IGF2BP2: variants seen among roughly 807,000 people sequenced by gnomAD.
The protein encoded by IGF2BP2 is insulin-like growth factor 2 mRNA-binding protein 2.
IGF2BP2 carries 17 observed loss-of-function variants against 75.8 expected under a neutral mutation model. That is an observed-to-expected ratio of 0.22 (90% CI 0.15 to 0.34). IGF2BP2 has a LOEUF of 0.34. Ranked by LOEUF, IGF2BP2 falls within the 10% of genes least tolerant of loss-of-function variation. The probability of loss-of-function intolerance (pLI) is 1.00; values close to 1 mark genes in which losing one functional copy is unlikely to be tolerated. For missense variants in IGF2BP2, 516 were observed against 772.4 expected (o/e 0.67, Z 3.93); for synonymous variants, 288 against 295.6 (o/e 0.97, Z 0.26).
intron 2 of IGF2BP2, among the ~76,000 whole-genome samples, chr3:185,772,390 T>C (rs1733995745): frequency 6.6e-6 from 1 of 152,184 alleles, no homozygotes; most frequent in South Asian, 2.1e-4. Context: ...TATCTAAATA[T>C]TTTCAAATTT....
chr3:185,727,570 G>C (rs940925051), intron 2 of IGF2BP2, among the ~76,000 whole-genome samples: 2 of 152,132 alleles, frequency 1.3e-5, no homozygotes, highest in African/African-American at 4.8e-5. Flanking sequence ...TTGTGAAAAA[G>C]ACTTTACTTG....
At chr3:185,824,629 C>A (rs1741801175) in intron 1 of IGF2BP2, among the ~76,000 whole-genome samples, 154 bp downstream of exon 1, 1 of 151,794 alleles carries the variant, frequency 6.6e-6, no homozygotes, top group Non-Finnish European at 1.5e-5. Flanking sequence ...CAGGAGCGGG[C>A]CGGCGGCGAG....
chr3:185,783,004 A>C (rs1285882216), intron 2 of IGF2BP2, among the ~76,000 whole-genome samples: 1 of 152,238 alleles, frequency 6.6e-6, no homozygotes, highest in Non-Finnish European at 1.5e-5. Flanking sequence ...CAAGTTACTA[A>C]CACAATTAAT....
intron 2 of IGF2BP2, among the ~76,000 whole-genome samples, chr3:185,787,495 G>A (rs1326833345): frequency 1.3e-5 from 2 of 152,212 alleles, no homozygotes; most frequent in Non-Finnish European, 2.9e-5. Context: ...CACTTTGGGA[G>A]GCCGAGGTGG....
chr3:185,764,315 A>G (rs1732769307), intron 2 of IGF2BP2, among the ~76,000 whole-genome samples: 1 of 152,120 alleles, frequency 6.6e-6, no homozygotes, highest in African/African-American at 2.4e-5. Flanking sequence ...ATGTGACCTC[A>G]TCAGGGCTAT....
chr3:185,689,462 T>C lies in IGF2BP2; in HGVS notation c.570A>G (p.Arg190=). ...GHAPGGTSQA[R]QIDFPLRILV... ...GGATCCGCAGCGGGAAATCAATCTGTCTGGCCTGAGAAGTGCCCCCAGGGG... is the reference window on the plus strand; with the variant it reads ...GGATCCGCAGCGGGAAATCAATCTGCCTGGCCTGAGAAGTGCCCCCAGGGG... Residue 190 remains arginine, a synonymous_variant, in exon 6 of 16, where the codon AGA becomes AGG. Coordinates refer to ENST00000382199, the MANE Select transcript of IGF2BP2 (RefSeq NM_006548.6). 2 of 1,613,802 alleles carry C rather than the reference T, an allele frequency of 1.2e-6. No individual in the cohort carries two copies. Among genetic ancestry groups the C allele is most frequent in the Non-Finnish European group, 1.7e-6 (2 of 1,179,850 alleles).
intron 5 of IGF2BP2, among the ~76,000 whole-genome samples, chr3:185,689,892 C>T (rs890392706): frequency 6.7e-6 from 1 of 150,212 alleles, no homozygotes; most frequent in Non-Finnish European, 1.5e-5. Flanking sequence ...GGCGTGAACC[C>T]GGGAGGCGGA....
intron 2 of IGF2BP2, among the ~76,000 whole-genome samples, chr3:185,738,034 G>GT (rs1222099626): frequency 1.3e-5 from 2 of 151,876 alleles, no homozygotes; most frequent in African/African-American, 4.8e-5. Flanking sequence ...GTTTAACAGT[G>GT]TATTACCAGG....
intron 2 of IGF2BP2, among the ~76,000 whole-genome samples, chr3:185,733,822 T>C (rs977232387): frequency 2.0e-5 from 3 of 152,044 alleles, no homozygotes; most frequent in African/African-American, 7.2e-5. Flanking sequence ...ACAAGCACAT[T>C]AAAAACAAAC....
intron 2 of IGF2BP2, among the ~76,000 whole-genome samples, chr3:185,773,776 GCTTAA>G (rs1292284049): frequency 4.6e-5 from 7 of 151,982 alleles, no homozygotes; most frequent in Non-Finnish European, 1.0e-4. Context: ...AACTTCTTAG[GCTTAA>G]ATTCTCACAA....
chr3:185,718,797 C>A (rs1399457178), intron 2 of IGF2BP2, among the ~76,000 whole-genome samples: 2 of 151,216 alleles, frequency 1.3e-5, no homozygotes, highest in Non-Finnish European at 2.9e-5. Context: ...AAGCCACGAT[C>A]AAAACCTGAG....
intron 2 of IGF2BP2, among the ~76,000 whole-genome samples, chr3:185,808,379 C>G (rs1392795321): frequency 1.3e-5 from 2 of 151,918 alleles, no homozygotes; most frequent in Non-Finnish European, 2.9e-5. Context: ...ACCAGGGAGG[C>G]TGATGCAGGA....
At chr3:185,721,728 C>G (rs958573379) in intron 2 of IGF2BP2, among the ~76,000 whole-genome samples, 2 of 152,074 alleles carry the variant, frequency 1.3e-5, no homozygotes, top group Non-Finnish European at 2.9e-5. Flanking sequence ...CTCTGTCTAC[C>G]ACCTCCCTCA....
chr3:185,653,932 G>A (rs1715017192), intron 12 of IGF2BP2, among the ~76,000 whole-genome samples: 1 of 152,212 alleles, frequency 6.6e-6, no homozygotes, highest in South Asian at 2.1e-4. Flanking sequence ...GGACCACTGT[G>A]TCACTTGAGA....
chr3:185,812,998 C>T (rs190025419), intron 2 of IGF2BP2, among the ~76,000 whole-genome samples: 8 of 152,276 alleles, frequency 5.3e-5, no homozygotes, highest in Admixed American at 1.3e-4. Context: ...TTGAAATAGA[C>T]ACAACATACC....
intron 3 of IGF2BP2, among the ~76,000 whole-genome samples, chr3:185,697,679 G>A (rs1455573787): frequency 6.6e-6 from 1 of 152,044 alleles, no homozygotes; most frequent in African/African-American, 2.4e-5. Flanking sequence ...TACTTTTGTT[G>A]CCTTTTCATT....
intron 2 of IGF2BP2, among the ~76,000 whole-genome samples, chr3:185,744,871 T>C (rs76719713): frequency 8.2e-4 from 125 of 152,316 alleles, no homozygotes; most frequent in African/African-American, 2.9e-3. Context: ...ACTCAGCATA[T>C]CATGTTTTCA....
In IGF2BP2 at chr3:185,719,845, G is replaced by A. The variant is rs1443451964; in HGVS notation, c.240-21498C>T. On this transcript the variant is annotated intron_variant, in intron 2 of 15. Transcript: ENST00000382199. ...CGAGACTCTGTCTCAAAAAAGAAAGGAAGGAAGGAAAGGAAGGAAAGGAAG... is the reference window on the plus strand; with the variant it reads ...CGAGACTCTGTCTCAAAAAAGAAAGAAAGGAAGGAAAGGAAGGAAAGGAAG... Among the ~76,000 whole-genome samples the A allele has an allele frequency of 2.0e-5, 3 of 151,914 alleles. No homozygotes were observed. In the East Asian group the frequency reaches 5.8e-4, roughly 29 times the overall value.
chr3:185,741,549 T>C (rs1305038195), intron 2 of IGF2BP2, among the ~76,000 whole-genome samples: 1 of 152,190 alleles, frequency 6.6e-6, no homozygotes, highest in Non-Finnish European at 1.5e-5. Context: ...TATTTGTCAT[T>C]GTCAAAAACC....
Sources: gnomAD v4.1 joint callset for allele counts (sites outside exome capture counted in the v4.1 genomes callset) on GRCh38, gnomAD v4.1.1 for gene constraint, MANE v1.5 for transcripts, NCBI Gene and HGNC (gene_info 2026-07-23, HGNC 2026-07-21) for gene names.